Variants in HGSNAT observed in about 807,000 individuals in gnomAD.
HGSNAT encodes the protein heparan-alpha-glucosaminide N-acetyltransferase.
A neutral mutation model predicts 85.2 loss-of-function variants in HGSNAT; 59 were observed. That is an observed-to-expected ratio of 0.69 (90% CI 0.56 to 0.86). HGSNAT has a LOEUF of 0.86. Ranked by LOEUF, HGSNAT falls within the 40% of genes least tolerant of loss-of-function variation. The pLI is 0.00. For missense variants in HGSNAT, 756 were observed against 777.1 expected (o/e 0.97, Z 0.32); for synonymous variants, 321 against 304.5 (o/e 1.05, Z -0.56).
At chr8:43,182,324 G>C (rs1454603710) in intron 11 of HGSNAT, 64 bp downstream of exon 11, 18 of 1,259,980 alleles carry the variant, frequency 1.4e-5, no homozygotes, top group Non-Finnish European at 2.0e-5. Context: ...ATTGTGTGGT[G>C]ATACGGTCTC....
intron 11 of HGSNAT, among the ~76,000 whole-genome samples, chr8:43,185,585 A>G (rs190976675): frequency 1.4e-4 from 21 of 152,356 alleles, no homozygotes; most frequent in African/African-American, 5.0e-4. Context: ...ATCTGCAAAC[A>G]GGGACAATTT....
chr8:43,150,915 GTAAA>G (rs1212437925), intron 2 of HGSNAT, among the ~76,000 whole-genome samples: 1 of 151,704 alleles, frequency 6.6e-6, no homozygotes, highest in Non-Finnish European at 1.5e-5. Context: ...ATATACATTA[GTAAA>G]TAAAGTATTA....
chr8:43,181,342 A>C (rs1000843463), intron 10 of HGSNAT, among the ~76,000 whole-genome samples: 4 of 151,826 alleles, frequency 2.6e-5, no homozygotes, highest in Admixed American at 2.0e-4. Context: ...TCATTAGTTT[A>C]GTGGTGCGCA....
At chr8:43,171,406 C>G (rs1228072220) in intron 7 of HGSNAT, among the ~76,000 whole-genome samples, 1 of 152,146 alleles carries the variant, frequency 6.6e-6, no homozygotes, top group Non-Finnish European at 1.5e-5. Context: ...ATGTGCCAGT[C>G]ACTGTTCTAA....
chr8:43,143,483 C>CT (rs1802614732), intron 1 of HGSNAT, among the ~76,000 whole-genome samples: 1 of 151,930 alleles, frequency 6.6e-6, no homozygotes, highest in South Asian at 2.1e-4. Flanking sequence ...TGCTTGACCT[C>CT]TTCAGGCCTC....
chr8:43,181,365 C>T (rs1315407220), intron 10 of HGSNAT, among the ~76,000 whole-genome samples: 1 of 151,952 alleles, frequency 6.6e-6, no homozygotes, highest in African/African-American at 2.4e-5. Context: ...GACAGCAGAG[C>T]TGAGGGAAGG....
Position 43,201,623 on chromosome 8 carries a change from T to A in HGSNAT, c.*2054T>A, listed in dbSNP as rs916743648. The stretch of plus-strand genomic sequence containing the variant: ...AGTGTTTTCTTCCTCTGGGTTCTTA[T>A]AATGTTGGTATCAATCTCACAGCAT... On this transcript the variant is annotated 3_prime_UTR_variant, in exon 18 of 18. Transcript: ENST00000379644. The surrounding 1 kb of genome is among the most constrained non-coding windows in gnomAD (Gnocchi z 4.4). The A allele has an allele frequency of 1.3e-5, 2 of 152,300 alleles. No homozygotes were observed. Among genetic ancestry groups the A allele is most frequent in the Admixed American group, 1.3e-4 (2 of 15,286 alleles). The allele number at this position is 152,300 out of a possible 1,614,324, so 9.4% of individuals were successfully genotyped here.
At chr8:43,150,439 A>G (rs1802867585) in intron 2 of HGSNAT, among the ~76,000 whole-genome samples, 1 of 151,542 alleles carries the variant, frequency 6.6e-6, no homozygotes, top group South Asian at 2.1e-4. Flanking sequence ...AGCTGGGGCA[A>G]CAAAGTAAGT....
intron 2 of HGSNAT, among the ~76,000 whole-genome samples, chr8:43,154,780 G>A (rs1290495720): frequency 1.3e-5 from 2 of 152,174 alleles, no homozygotes; most frequent in Non-Finnish European, 2.9e-5. Context: ...GACTTCCACA[G>A]TGGTTGAACT....
At chr8:43,193,699 G>C (rs1586753433) in intron 13 of HGSNAT, 58 bp from the exon 14 acceptor site, 2 of 1,146,270 alleles carry the variant, frequency 1.7e-6, no homozygotes, top group Middle Eastern at 2.0e-4. Flanking sequence ...TCTAGGAGCT[G>C]TTTGTACGTG....
intron 1 of HGSNAT, among the ~76,000 whole-genome samples, chr8:43,144,188 G>A (rs1301802917): frequency 6.6e-6 from 1 of 151,810 alleles, no homozygotes; most frequent in Non-Finnish European, 1.5e-5. Flanking sequence ...AGCTGGATGT[G>A]CTGGCATGCC....
At chr8:43,187,436 T>C (rs908790816) in intron 11 of HGSNAT, among the ~76,000 whole-genome samples, 2 of 152,224 alleles carry the variant, frequency 1.3e-5, no homozygotes, top group African/African-American at 4.8e-5. Flanking sequence ...TGGTTTAAAG[T>C]CTGTTTAATC....
At chr8:43,164,539 G>T (rs534048974) in intron 5 of HGSNAT, among the ~76,000 whole-genome samples, 3 of 152,214 alleles carry the variant, frequency 2.0e-5, no homozygotes, top group South Asian at 2.1e-4. Context: ...CAGCACTTTG[G>T]GGGGCCTAGG....
At chr8:43,161,613 A>G in intron 5 of HGSNAT, 106 bp downstream of exon 5, 1 of 752,402 alleles carries the variant, frequency 1.3e-6, no homozygotes, top group Non-Finnish European at 2.1e-6. Flanking sequence ...GATGATATGA[A>G]CATTTCTGTG....
At chr8:43,183,383 T>C (rs1447490800) in intron 11 of HGSNAT, among the ~76,000 whole-genome samples, 1 of 151,968 alleles carries the variant, frequency 6.6e-6, no homozygotes, top group Non-Finnish European at 1.5e-5. Flanking sequence ...CCCAGGCTGG[T>C]CTTGAACTCC....
intron 2 of HGSNAT, among the ~76,000 whole-genome samples, chr8:43,147,754 C>T (rs1802763615): frequency 6.6e-6 from 1 of 152,098 alleles, no homozygotes; most frequent in South Asian, 2.1e-4. Context: ...ATTTGGGCTG[C>T]AGTACCCAAG....
chr8:43,196,685 G>A (rs1804738532), intron 14 of HGSNAT: 1 of 613,400 alleles, frequency 1.6e-6, no homozygotes, highest in South Asian at 1.8e-5. Flanking sequence ...GGACCCTCTG[G>A]TGCTCTGGCC....
rs1804565177 is a variant in HGSNAT at position 43,192,319 on chromosome 8, T to TG, written c.1271dup (p.Ile425HisfsTer45). 3.7e-6 allele frequency: 6 copies of TG among 1,608,588 alleles called. No homozygotes were observed. Among genetic ancestry groups the TG allele is most frequent in the Non-Finnish European group, 5.1e-6 (6 of 1,177,816 alleles). On this transcript the variant is annotated frameshift_variant, in exon 13 of 18. Transcript: ENST00000379644. LOFTEE classifies it high-confidence loss of function. ...ACCTTCCTAGTGGTTATCTTGGTCCTGGGGGCATTGGAGATTTTGGCAAGT... is the reference window on the plus strand; with the variant it reads ...ACCTTCCTAGTGGTTATCTTGGTCCTGGGGGGCATTGGAGATTTTGGCAAGT...
chr8:43,160,946 T>C (rs141220177), intron 4 of HGSNAT, among the ~76,000 whole-genome samples: 1 of 152,302 alleles, frequency 6.6e-6, no homozygotes, highest in Non-Finnish European at 1.5e-5. Flanking sequence ...TTCTCATGAA[T>C]AGGTAGAGGT....
Sources: gnomAD v4.1 joint callset for allele counts (sites outside exome capture counted in the v4.1 genomes callset) on GRCh38, gnomAD v4.1.1 for gene constraint, Gnocchi (gnomAD v3.1) non-coding constraint, MANE v1.5 for transcripts, NCBI Gene and HGNC (gene_info 2026-07-23, HGNC 2026-07-21) for gene names.